BMPR1B: variants seen among roughly 807,000 people sequenced by gnomAD.
The protein encoded by BMPR1B is bone morphogenetic protein receptor type-1B.
A neutral mutation model predicts 59.1 loss-of-function variants in BMPR1B; 12 were observed. The observed-to-expected ratio is 0.20, with a 90% confidence interval of 0.13 to 0.33. The LOEUF (loss-of-function observed/expected upper bound fraction) is 0.33, where lower values mean the gene tolerates loss of function less well. Ranked by LOEUF, BMPR1B falls within the 10% of genes least tolerant of loss-of-function variation. The pLI is 1.00. For missense variants in BMPR1B, 550 were observed against 610.9 expected, an observed-to-expected ratio of 0.90 and a Z score of 1.05; for synonymous variants, 237 against 207.3, an observed-to-expected ratio of 1.14 and a Z score of -1.23.
At chr4:94,974,329 A>G (rs1441477764) in intron 2 of BMPR1B, among the ~76,000 whole-genome samples, 5 of 151,830 alleles carry the variant, frequency 3.3e-5, no homozygotes, top group Admixed American at 2.6e-4. Context: ...AACATTTTTA[A>G]TCATTCATTT....
At chr4:95,042,950 T>A in intron 3 of BMPR1B, among the ~76,000 whole-genome samples, 1 of 148,238 alleles carries the variant, frequency 6.7e-6, no homozygotes, top group African/African-American at 2.5e-5. Context: ...CCGAGGCGGG[T>A]GGATCATGAG....
chr4:95,002,023 G>T (rs953187958), intron 3 of BMPR1B, among the ~76,000 whole-genome samples: 18 of 152,216 alleles, frequency 1.2e-4, no homozygotes, highest in African/African-American at 3.9e-4. Flanking sequence ...ACAGGTACAG[G>T]TTTGTTACAT....
chr4:94,890,461 A>G (rs1471770121), intron 2 of BMPR1B, among the ~76,000 whole-genome samples: 1 of 152,152 alleles, frequency 6.6e-6, no homozygotes, highest in African/African-American at 2.4e-5. Flanking sequence ...AATATTATAA[A>G]AATACATTTG....
chr4:94,954,288 G>T (rs1039990068), intron 2 of BMPR1B, among the ~76,000 whole-genome samples: 1 of 152,016 alleles, frequency 6.6e-6, no homozygotes, highest in African/African-American at 2.4e-5. Flanking sequence ...TTTTCTCTCC[G>T]TCTAACATGT....
chr4:95,090,293 C>A (rs1729885581), intron 3 of BMPR1B, among the ~76,000 whole-genome samples: 1 of 151,382 alleles, frequency 6.6e-6, no homozygotes, highest in African/African-American at 2.4e-5. Context: ...ATTATAGTTA[C>A]ATTTTATAAA....
intron 1 of BMPR1B, among the ~76,000 whole-genome samples, chr4:94,770,204 T>TTTTTTTTTG (rs1722133742): frequency 1.4e-5 from 2 of 144,284 alleles, no homozygotes; most frequent in African/African-American, 2.6e-5. Context: ...TTTTTTTTTT[T>TTTTTTTTTG]GCGAAAGCAA....
rs1209021540 is a variant in BMPR1B, at chr4:94,988,856, CT to C, written c.-112-7176del. ...GGTCCCTAAAGTATGAAAAAAGCCC[CT>C]TTTTTTTGGGAAAAGAAAAGGATAA... On this transcript the variant is annotated intron_variant, in intron 2 of 12. Transcript: ENST00000515059. 3.0e-4 allele frequency among the ~76,000 whole-genome samples: 45 copies of C among 151,478 alleles called. 1 individual carries two copies. The highest frequency in any genetic ancestry group is 2.1e-4 in the South Asian group (1 of 4,788).
In BMPR1B at chr4:94,790,139, C is replaced by G. The variant is rs1277352997; in HGVS notation, c.-183+32071C>G. Among the ~76,000 whole-genome samples the G allele has an allele frequency of 2.0e-5, 3 of 152,098 alleles. No homozygotes were observed. In the East Asian group the frequency reaches 5.8e-4, roughly 29 times the overall value. On this transcript the variant is annotated intron_variant, in intron 1 of 12. Coordinates refer to ENST00000515059, the MANE Select transcript of BMPR1B (RefSeq NM_001203.3). ...TGACTGTATTGGTAAGGTTTCTAGTCAGCAGTAGGCTTTTAGTTGTTAAGA... is the reference window on the plus strand; with the variant it reads ...TGACTGTATTGGTAAGGTTTCTAGTGAGCAGTAGGCTTTTAGTTGTTAAGA...
rs1735359287 is a variant in BMPR1B at position 95,155,507 on chromosome 4, T to TTA, written c.*834_*835insTA. ...TTTTTTTTTTTTTTTTTTTTTTTTT[T>TTA]AATGTGCAGAGGATTGACCTGTGCA... On this transcript the variant is annotated 3_prime_UTR_variant, in exon 13 of 13. Transcript: ENST00000515059. 9.1e-6 allele frequency: 1 copy of TTA among 110,214 alleles called. No homozygotes were observed. The highest frequency in any genetic ancestry group is 2.9e-4 in the South Asian group (1 of 3,504). The allele number at this position is 110,214 out of a possible 1,614,324, so 6.8% of individuals were successfully genotyped here.
At chr4:94,789,339 A>T (rs762823988) in intron 1 of BMPR1B, among the ~76,000 whole-genome samples, 2 of 152,158 alleles carry the variant, frequency 1.3e-5, no homozygotes, top group African/African-American at 2.4e-5. Flanking sequence ...TTTTAAGAGG[A>T]TCAGCTTCAA....
intron 2 of BMPR1B, among the ~76,000 whole-genome samples, chr4:94,973,886 T>G (rs543956611): frequency 1.3e-5 from 2 of 152,288 alleles, no homozygotes; most frequent in East Asian, 3.9e-4. Flanking sequence ...TGTCTTGAAA[T>G]TTATGGTCCT....
At chr4:94,983,658 T>C (rs1721233118) in intron 2 of BMPR1B, among the ~76,000 whole-genome samples, 1 of 152,214 alleles carries the variant, frequency 6.6e-6, no homozygotes, top group Admixed American at 6.5e-5. Flanking sequence ...TATTTTGGTC[T>C]TACCACAGTG....
rs763655134 is a variant in BMPR1B at position 94,975,363 on chromosome 4, G to GTTTTTTTTTT, written c.-112-20668_-112-20659dup. 2.4e-3 allele frequency among the ~76,000 whole-genome samples: 263 copies of GTTTTTTTTTT among 111,612 alleles called. 5 individuals carry two copies. The highest frequency in any genetic ancestry group is 9.3e-3 in the East Asian group (29 of 3,102). 73.2% of individuals were successfully genotyped at this position (111,612 alleles called of 152,430 possible). On this transcript the variant is annotated intron_variant, in intron 2 of 12. Transcript: ENST00000515059. Reference sequence around the variant, plus strand: ...AAAATCTTAATTTCCTTTTGTTTTTGTTTTTTTTTTTTTTTTTTGAGACGG... The same window carrying GTTTTTTTTTT: ...AAAATCTTAATTTCCTTTTGTTTTTGTTTTTTTTTTTTTTTTTTTTTTTTTTTTGAGACGG...
intron 3 of BMPR1B, among the ~76,000 whole-genome samples, chr4:95,008,788 A>C (rs1048021166): frequency 6.6e-6 from 1 of 152,112 alleles, no homozygotes; most frequent in Non-Finnish European, 1.5e-5. Context: ...AAGAAAAGTA[A>C]ATTTGGTAAA....
chr4:94,835,555 A>C (rs1578697783), intron 1 of BMPR1B, among the ~76,000 whole-genome samples: 1 of 152,236 alleles, frequency 6.6e-6, no homozygotes, highest in Non-Finnish European at 1.5e-5. Context: ...AACTTTTTAC[A>C]CTGCAGTGAC....
intron 2 of BMPR1B, among the ~76,000 whole-genome samples, chr4:94,882,722 A>C (rs1451333880): frequency 2.6e-5 from 4 of 152,194 alleles, no homozygotes; most frequent in Admixed American, 1.3e-4. Context: ...TGATTTTCAT[A>C]GGGAGGGTCT....
At chr4:94,867,858 T>G (rs1372953408) in intron 1 of BMPR1B, among the ~76,000 whole-genome samples, 9 of 152,264 alleles carry the variant, frequency 5.9e-5, no homozygotes, top group Non-Finnish European at 1.0e-4. Flanking sequence ...CCGTTTCTTT[T>G]TTTTTGGAGA....
At chr4:94,960,647 A>C (rs761887746) in intron 2 of BMPR1B, among the ~76,000 whole-genome samples, 4 of 152,118 alleles carry the variant, frequency 2.6e-5, no homozygotes, top group African/African-American at 9.7e-5. Flanking sequence ...GACAGAAGGA[A>C]AACAGTTTAT....
rs746567210 is a variant in BMPR1B at position 95,148,694 on chromosome 4, C to G, written c.1077-54C>G. ...CCATTGTTTCAGAATCACCTTGATT[C>G]GTTTTTGTTGGTCCTCTTCAATGCT... On this transcript the variant is annotated intron_variant, in intron 10 of 12. Coordinates refer to ENST00000515059, the MANE Select transcript of BMPR1B (RefSeq NM_001203.3). 3.2e-6 allele frequency: 5 copies of G among 1,559,796 alleles called. No homozygotes were observed. In the East Asian group the frequency reaches 1.1e-4, roughly 35 times the overall value.
Sources: gnomAD v4.1 joint callset for allele counts (sites outside exome capture counted in the v4.1 genomes callset) on GRCh38, gnomAD v4.1.1 for gene constraint, MANE v1.5 for transcripts, NCBI Gene and HGNC (gene_info 2026-07-23, HGNC 2026-07-21) for gene names.